PHACTR1: variants seen among roughly 807,000 people sequenced by gnomAD.
PHACTR1 encodes RPEL repeat containing 1.
Under a neutral mutation model 69.2 loss-of-function variants are expected in PHACTR1, and 16 were observed. The observed-to-expected ratio is 0.23, with a 90% CI of 0.16 to 0.35. The LOEUF is 0.35. PHACTR1 is among the 10% of genes least tolerant of loss of function. The pLI is 1.00. For missense variants in PHACTR1, 510 were observed against 734.7 expected, an observed-to-expected ratio of 0.69 and a Z score of 3.54; for synonymous variants, 312 against 284.5, an observed-to-expected ratio of 1.10 and a Z score of -0.97.
At chr6:13,173,869 G>A (rs557304721) in intron 6 of PHACTR1, among the ~76,000 whole-genome samples, 3 of 152,226 alleles carry the variant, frequency 2.0e-5, no homozygotes, top group Non-Finnish European at 2.9e-5. Flanking sequence ...CACAACGCCC[G>A]GCTAATTTTT....
rs1316235193 is a variant in PHACTR1, at chr6:12,949,236, T to G, written c.251-104129T>G. 6.6e-5 allele frequency among the ~76,000 whole-genome samples: 9 copies of G among 135,816 alleles called. No homozygotes were observed. In the East Asian group the frequency reaches 1.9e-3, roughly 29 times the overall value. 89.1% of individuals were successfully genotyped at this position (135,816 alleles called of 152,430 possible). A position where few individuals can be genotyped will look rare whatever the true frequency, so the allele number is the denominator to read the frequency against. Reference sequence around the variant, plus strand: ...GGTGACCCAGATCATGCCATTGCACTGCAGCCTGGGCAACAAGAGCGAAAC... The same window carrying G: ...GGTGACCCAGATCATGCCATTGCACGGCAGCCTGGGCAACAAGAGCGAAAC... On this transcript the variant is annotated intron_variant, in intron 4 of 14. Transcript: ENST00000332995.
chr6:12,724,714 C>A (rs749114303), intron 3 of PHACTR1, among the ~76,000 whole-genome samples: 6 of 152,198 alleles, frequency 3.9e-5, no homozygotes, highest in Non-Finnish European at 8.8e-5. Context: ...GGCTCAGAGT[C>A]ATTCTGCTGG....
chr6:12,729,399 CT>C (rs1763197932), intron 3 of PHACTR1, among the ~76,000 whole-genome samples: 1 of 152,128 alleles, frequency 6.6e-6, no homozygotes, highest in Non-Finnish European at 1.5e-5. Flanking sequence ...TGACAATTCA[CT>C]TGCATTTGAG....
At position 13,287,045 on chromosome 6, in the gene PHACTR1, A is replaced by C. The variant is rs1260555105; in HGVS notation, c.1728-18A>C. The C allele has an allele frequency of 6.2e-7, 1 of 1,607,416 alleles. No individual in the cohort carries two copies. Among genetic ancestry groups the C allele is most frequent in the Admixed American group, 1.7e-5 (1 of 59,000 alleles). ...TTTGGCAGCCCCTTGGTCTTGATGT[A>C]ATTGTTTGTTTCCTTAGGTTTCACC... On this transcript the variant is annotated intron_variant, in intron 14 of 14. Transcript: ENST00000332995.
intron 4 of PHACTR1, among the ~76,000 whole-genome samples, chr6:13,015,285 A>G (rs1474776893): frequency 6.6e-6 from 1 of 152,222 alleles, no homozygotes; most frequent in Admixed American, 6.5e-5. Flanking sequence ...TTAAACTGCA[A>G]GAGAGGTTGT....
At chr6:12,870,038 C>T (rs1172219787) in intron 4 of PHACTR1, among the ~76,000 whole-genome samples, 1 of 152,054 alleles carries the variant, frequency 6.6e-6, no homozygotes, top group South Asian at 2.1e-4. Flanking sequence ...CTGTAACAAG[C>T]CCTCATACAT....
intron 5 of PHACTR1, among the ~76,000 whole-genome samples, chr6:13,155,716 C>T (rs549947244): frequency 1.3e-5 from 2 of 152,076 alleles, no homozygotes; most frequent in South Asian, 2.1e-4. Context: ...GGTGAAACCC[C>T]GTCTCTACTA....
At chr6:12,836,582 A>T (rs1464224812) in intron 4 of PHACTR1, among the ~76,000 whole-genome samples, 1 of 152,168 alleles carries the variant, frequency 6.6e-6, no homozygotes, top group African/African-American at 2.4e-5. Flanking sequence ...CTGTCCCTGT[A>T]AACTTTATTA....
In PHACTR1 at chr6:13,111,248, A is replaced by G. The variant is rs547491548; in HGVS notation, c.416-48956A>G. Among the ~76,000 whole-genome samples the G allele has an allele frequency of 5.1e-4, 77 of 152,342 alleles. No homozygotes were observed. The Middle Eastern group carries it at 0.014, about 27-fold the overall frequency. On this transcript the variant is annotated intron_variant, in intron 5 of 14. Transcript: ENST00000332995. ...AAAGGGTCACTGTATGACAGTGTGC[A>G]TGCCACAGTGATCTCTTTAGTAGTG...
At chr6:13,251,966 G>A (rs544690517) in intron 10 of PHACTR1, among the ~76,000 whole-genome samples, 1 of 151,244 alleles carries the variant, frequency 6.6e-6, no homozygotes, top group African/African-American at 2.4e-5. Flanking sequence ...GAAGTGGGAG[G>A]ATCACTTGAG....
rs572850594 is a variant in PHACTR1 at position 12,959,537 on chromosome 6, T to C, written c.251-93828T>C. ...ATTCATAATATAAAAGAACAGCTCATAGAGCCCCTTTTTAAGGCCATGGCA... is the reference window on the plus strand; with the variant it reads ...ATTCATAATATAAAAGAACAGCTCACAGAGCCCCTTTTTAAGGCCATGGCA... On this transcript the variant is annotated intron_variant, in intron 4 of 14. Transcript: ENST00000332995. Among the ~76,000 whole-genome samples the C allele has an allele frequency of 1.4e-4, 22 of 152,322 alleles. No homozygotes were observed. In the South Asian group the frequency reaches 4.4e-3, roughly 30 times the overall value.
chr6:12,781,460 G>T (rs1770808458), intron 4 of PHACTR1, among the ~76,000 whole-genome samples: 1 of 152,156 alleles, frequency 6.6e-6, no homozygotes, highest in South Asian at 2.1e-4. Flanking sequence ...TCAAATGCTT[G>T]CAAACTATTT....
At chr6:12,912,009 T>C (rs1786466611) in intron 4 of PHACTR1, among the ~76,000 whole-genome samples, 1 of 152,240 alleles carries the variant, frequency 6.6e-6, no homozygotes, top group African/African-American at 2.4e-5. Flanking sequence ...TGTTTGTTTA[T>C]TTATTTGAGA....
intron 6 of PHACTR1, among the ~76,000 whole-genome samples, chr6:13,174,864 AGGAT>A (rs1038334537): frequency 6.6e-6 from 1 of 152,182 alleles, no homozygotes; most frequent in African/African-American, 2.4e-5. Flanking sequence ...CTAACTTCAT[AGGAT>A]GGATGGATGG....
intron 4 of PHACTR1, among the ~76,000 whole-genome samples, chr6:12,849,322 G>A (rs997390399): frequency 6.6e-6 from 1 of 152,170 alleles, no homozygotes; most frequent in Non-Finnish European, 1.5e-5. Context: ...CGGTGATTCG[G>A]TCAGCCAGAC....
rs1354850820 is a variant in PHACTR1, at chr6:13,230,425, A to G, written c.1391+232A>G. On this transcript the variant is annotated intron_variant, in intron 10 of 14. Transcript: ENST00000332995. ...AAATTAGTCAGGCATGGTGGCCTGT[A>G]GTCCCAGCTACTCGGGAGGCTGAGG... is the stretch of plus-strand genomic sequence containing the variant. 8.7e-6 allele frequency: 8 copies of G among 915,976 alleles called. No homozygotes were observed. The East Asian group carries it at 1.5e-4, about 17-fold the overall frequency. 56.7% of individuals were successfully genotyped at this position (915,976 alleles called of 1,614,324 possible).
intron 4 of PHACTR1, among the ~76,000 whole-genome samples, chr6:12,972,367 C>T (rs1270732442): frequency 1.3e-5 from 2 of 152,198 alleles, no homozygotes; most frequent in African/African-American, 4.8e-5. Flanking sequence ...AATTCCTACA[C>T]ATACCCCTTG....
chr6:13,113,302 A>G (rs1817321646), intron 5 of PHACTR1, among the ~76,000 whole-genome samples: 1 of 152,206 alleles, frequency 6.6e-6, no homozygotes, highest in South Asian at 2.1e-4. Flanking sequence ...GTCTGTAACC[A>G]TTAAATAAAT....
chr6:13,193,357 GTATATATATATA>G (rs56305254), intron 7 of PHACTR1, among the ~76,000 whole-genome samples: 21 of 68,162 alleles, frequency 3.1e-4, no homozygotes, highest in Admixed American at 9.4e-4. Flanking sequence ...AGCTCTCTGT[GTATATATATATA>G]TATATATATA....
Sources: gnomAD v4.1 joint callset for allele counts (sites outside exome capture counted in the v4.1 genomes callset) on GRCh38, gnomAD v4.1.1 for gene constraint, MANE v1.5 for transcripts, NCBI Gene and HGNC (gene_info 2026-07-23, HGNC 2026-07-21) for gene names.